Variants in PTPN4 observed in about 807,000 individuals in gnomAD.
The protein encoded by PTPN4 is protein tyrosine phosphatase non-receptor type 4, also known as tyrosine-protein phosphatase non-receptor type 4.
Under a neutral mutation model 135.5 loss-of-function variants are expected in PTPN4, and 49 were observed. That is an observed-to-expected ratio of 0.36 (90% CI 0.29 to 0.46). PTPN4 has a LOEUF of 0.46. Ranked by LOEUF, PTPN4 falls within the 20% of genes least tolerant of loss-of-function variation. The pLI is 1.00. For synonymous variants in PTPN4, 333 were observed against 369.9 expected, an observed-to-expected ratio of 0.90 and a Z score of 1.14; for missense variants, 860 against 1,101.0, an observed-to-expected ratio of 0.78 and a Z score of 3.10.
chr2:119,880,578 T>C (rs978149601), intron 5 of PTPN4, among the ~76,000 whole-genome samples: 1 of 151,712 alleles, frequency 6.6e-6, no homozygotes, highest in Non-Finnish European at 1.5e-5. Flanking sequence ...TACAGGTGCC[T>C]GCCATCACGC....
intron 2 of PTPN4, among the ~76,000 whole-genome samples, chr2:119,813,677 A>C (rs1250944246): frequency 1.3e-5 from 2 of 152,214 alleles, no homozygotes; most frequent in African/African-American, 2.4e-5. Context: ...AGGTTGTCAC[A>C]GAGTTAAGTG....
chr2:119,816,645 T>A (rs1451234704), intron 2 of PTPN4, among the ~76,000 whole-genome samples: 2 of 152,320 alleles, frequency 1.3e-5, no homozygotes, highest in South Asian at 4.1e-4. Context: ...CTTGTTTTCC[T>A]GCAACTATAT....
intron 1 of PTPN4, among the ~76,000 whole-genome samples, chr2:119,765,898 G>A (rs1195175402): frequency 1.4e-5 from 2 of 144,944 alleles, no homozygotes; most frequent in Non-Finnish European, 3.0e-5. Context: ...GTGGTTGTCT[G>A]TTCCTGTGTG....
chr2:119,972,440 G>A (rs1679550699), intron 26 of PTPN4, among the ~76,000 whole-genome samples: 1 of 152,086 alleles, frequency 6.6e-6, no homozygotes, highest in African/African-American at 2.4e-5. Flanking sequence ...ATAGTTTTGT[G>A]TGTGAGAGAG....
At chr2:119,896,426 A>G (rs943574088) in intron 9 of PTPN4, among the ~76,000 whole-genome samples, 1 of 152,204 alleles carries the variant, frequency 6.6e-6, no homozygotes, top group Non-Finnish European at 1.5e-5. Context: ...TTGATCACAT[A>G]TTCATAATGT....
intron 9 of PTPN4, among the ~76,000 whole-genome samples, chr2:119,893,930 G>A (rs1265746039): frequency 6.6e-6 from 1 of 152,058 alleles, no homozygotes; most frequent in Non-Finnish European, 1.5e-5. Flanking sequence ...ACGGAGAACA[G>A]TAATTTTGAG....
Position 119,946,525 on chromosome 2 carries a change from A to G in PTPN4, c.1607A>G (p.Tyr536Cys). The G allele has an allele frequency of 2.5e-6, 4 of 1,609,242 alleles. No homozygotes were observed. Among genetic ancestry groups the G allele is most frequent in the East Asian group, 2.2e-5 (1 of 44,702 alleles). The change falls in exon 18 of 27, where the codon TAT becomes TGT. Residue 536 changes from tyrosine to cysteine, a missense_variant. Tyr to Cys is a radical substitution (Grantham distance 194). Coordinates refer to ENST00000263708, the MANE Select transcript of PTPN4 (RefSeq NM_002830.4). ...ACTTATTCTCTTTTTAAGGGAGGATATGATCAGAAGATGCCTGTGATTGTG... is the reference window on the plus strand; with the variant it reads ...ACTTATTCTCTTTTTAAGGGAGGATGTGATCAGAAGATGCCTGTGATTGTG... ...GRFGFNVKGG[Y>C]DQKMPVIVSR...
chr2:119,877,486 C>A lies in PTPN4; in HGVS notation c.312C>A (p.Asn104Lys), dbSNP rs762333568. The change falls in exon 5 of 27, where the codon AAC becomes AAA. Residue 104 changes from asparagine (N) to lysine (K), a missense_variant. Transcript: ENST00000263708. ...QLKRGSPYSL[N>K]FRVKFFVSDP... Reference sequence around the variant, plus strand: ...TAGGAGGATCTCCTTACAGTTTGAACTTTAGAGTCAAATTTTTTGTAAGTG... The same window carrying A: ...TAGGAGGATCTCCTTACAGTTTGAAATTTAGAGTCAAATTTTTTGTAAGTG... 2.5e-6 allele frequency: 4 copies of A among 1,610,384 alleles called. No homozygotes were observed. Among genetic ancestry groups the A allele is most frequent in the Non-Finnish European group, 2.5e-6 (3 of 1,178,696 alleles).
At chr2:119,968,573 C>T (rs969964952) in intron 26 of PTPN4, among the ~76,000 whole-genome samples, 28 of 152,082 alleles carry the variant, frequency 1.8e-4, no homozygotes, top group Non-Finnish European at 3.4e-4. Flanking sequence ...GGGCGGATCA[C>T]GAGGTCAGGA....
rs1470665767 is a variant in PTPN4 at position 119,978,096 on chromosome 2, CTTTACTTGAGGGACTGAGGGGTTA to C, written c.*1027_*1050del. On this transcript the variant is annotated 3_prime_UTR_variant, in exon 27 of 27. Transcript: ENST00000263708. ...GGAATTGTTCAAAATCTGCACATTC[CTTTACTTGAGGGACTGAGGGGTTA>C]CGGTTTAGCAGCTCAACTTTAAAAG... The C allele has an allele frequency of 2.0e-5, 3 of 152,132 alleles. No individual in the cohort carries two copies. Among genetic ancestry groups the C allele is most frequent in the East Asian group, 3.8e-4 (2 of 5,196 alleles). 9.4% of individuals were successfully genotyped at this position (152,132 alleles called of 1,614,324 possible).
At chr2:119,932,306 TA>T in intron 13 of PTPN4, 117 bp from the exon 14 acceptor site, 1 of 1,033,240 alleles carries the variant, frequency 9.7e-7, no homozygotes, top group Non-Finnish European at 1.4e-6. Flanking sequence ...TTTTTACAAG[TA>T]AACTCTTTAT....
At chr2:119,854,392 T>C (rs921474335) in intron 2 of PTPN4, among the ~76,000 whole-genome samples, 1 of 152,192 alleles carries the variant, frequency 6.6e-6, no homozygotes, top group African/African-American at 2.4e-5. Flanking sequence ...AAAACCTTAC[T>C]GAGGACTCCT....
At chr2:119,769,514 G>C (rs1188581438) in intron 1 of PTPN4, among the ~76,000 whole-genome samples, 1 of 152,178 alleles carries the variant, frequency 6.6e-6, no homozygotes, top group Non-Finnish European at 1.5e-5. Flanking sequence ...GTACTAGTTT[G>C]AGGTTTGTTG....
chr2:119,770,141 C>A lies in PTPN4; in HGVS notation c.-18+9757C>A, dbSNP rs138040935. ...GCTAGGTACTAGGCACTGTGCTTGG[C>A]TGTGGGGATACAGAATTGAATAAGA... On this transcript the variant is annotated intron_variant, in intron 1 of 26. Transcript: ENST00000263708. Among the ~76,000 whole-genome samples, 550 of 152,268 alleles carry A rather than the reference C, an allele frequency of 3.6e-3. 3 individuals are homozygous for A. The highest frequency in any genetic ancestry group is 0.013 in the African/African-American group (528 of 41,548).
chr2:119,798,269 C>T (rs1056704127), intron 1 of PTPN4, among the ~76,000 whole-genome samples: 6 of 151,620 alleles, frequency 4.0e-5, no homozygotes, highest in East Asian at 3.9e-4. Flanking sequence ...CAGGTTCAAG[C>T]GATTTTCCTG....
chr2:119,867,873 T>C (rs971486634), intron 3 of PTPN4, among the ~76,000 whole-genome samples: 2 of 152,222 alleles, frequency 1.3e-5, no homozygotes, highest in Non-Finnish European at 2.9e-5. Flanking sequence ...AGGGACAGTT[T>C]TACTTCCTCC....
At chr2:119,931,004 C>A (rs1188495478) in intron 13 of PTPN4, among the ~76,000 whole-genome samples, 1 of 151,938 alleles carries the variant, frequency 6.6e-6, no homozygotes, top group Admixed American at 6.6e-5. Flanking sequence ...TTAACTATAA[C>A]CAAAAATAGT....
At chr2:119,867,197 C>T (rs532275229) in intron 3 of PTPN4, among the ~76,000 whole-genome samples, 184 of 152,192 alleles carry the variant, frequency 1.2e-3, no homozygotes, top group African/African-American at 4.3e-3. Context: ...ATCAAACTTA[C>T]CTATGAATTT....
chr2:119,791,894 A>G (rs772351696), intron 1 of PTPN4, among the ~76,000 whole-genome samples: 1 of 152,068 alleles, frequency 6.6e-6, no homozygotes, highest in Non-Finnish European at 1.5e-5. Flanking sequence ...TTTTCTGTCT[A>G]CTATCTTTCT....
Sources: gnomAD v4.1 joint callset for allele counts (sites outside exome capture counted in the v4.1 genomes callset) on GRCh38, gnomAD v4.1.1 for gene constraint, MANE v1.5 for transcripts, NCBI Gene and HGNC (gene_info 2026-07-23, HGNC 2026-07-21) for gene names.